Variants in KIAA0825 observed in about 807,000 individuals in gnomAD.
KIAA0825 encodes the protein KIAA0825.
A neutral mutation model predicts 147.6 loss-of-function variants in KIAA0825; 119 were observed. The ratio of observed to expected loss-of-function variants is 0.81; its 90% confidence interval spans 0.69 to 0.94. The LOEUF (loss-of-function observed/expected upper bound fraction) is 0.94, where lower values mean the gene tolerates loss of function less well. KIAA0825 is among the 40% of genes least tolerant of loss of function. The probability of loss-of-function intolerance (pLI) is 0.00; values close to 1 mark genes in which losing one functional copy is unlikely to be tolerated. For synonymous variants in KIAA0825, 470 were observed against 518.1 expected (o/e 0.91, Z 1.26); for missense variants, 1,381 against 1,472.7 (o/e 0.94, Z 1.02).
In KIAA0825 at chr5:94,384,168, A is replaced by G. The variant is rs189550327; in HGVS notation, c.3710+200T>C. On this transcript the variant is annotated intron_variant, in intron 20 of 20. Coordinates refer to ENST00000682413, the MANE Select transcript of KIAA0825 (RefSeq NM_001145678.3). ...TTACTATAGAGAATGGTATTTAGAG[A>G]GTATACTCCTATAAATAGCCATATT... 1.4e-3 allele frequency among the ~76,000 whole-genome samples: 211 copies of G among 152,292 alleles called. 3 individuals carry two copies. The highest frequency in any genetic ancestry group is 4.4e-3 in the African/African-American group (181 of 41,562).
chr5:94,316,588 C>A (rs988824517), intron 20 of KIAA0825, among the ~76,000 whole-genome samples: 3 of 151,570 alleles, frequency 2.0e-5, no homozygotes, highest in Non-Finnish European at 4.4e-5. Context: ...AAGGTGAGGA[C>A]ATACCTAGGA....
chr5:94,322,462 A>G (rs1243592800), intron 20 of KIAA0825, among the ~76,000 whole-genome samples: 1 of 151,958 alleles, frequency 6.6e-6, no homozygotes, highest in Non-Finnish European at 1.5e-5. Context: ...ATAAGCTAAT[A>G]CTTTTTAAAA....
intron 20 of KIAA0825, among the ~76,000 whole-genome samples, chr5:94,374,204 G>C (rs187118056): frequency 6.6e-6 from 1 of 152,290 alleles, no homozygotes; most frequent in African/African-American, 2.4e-5. Context: ...TGATTACAAA[G>C]TGAATTTTGG....
intron 20 of KIAA0825, among the ~76,000 whole-genome samples, chr5:94,289,219 T>A (rs1777781538): frequency 6.6e-6 from 1 of 152,166 alleles, no homozygotes; most frequent in Admixed American, 6.5e-5. Flanking sequence ...AGAAGAGTTT[T>A]CATTATTTCT....
intron 3 of KIAA0825, among the ~76,000 whole-genome samples, chr5:94,525,804 G>T (rs1301614317): frequency 6.6e-6 from 1 of 151,934 alleles, no homozygotes; most frequent in African/African-American, 2.4e-5. Context: ...CTGGGCAGAG[G>T]CCAAAAACTA....
chr5:94,444,856 A>G (rs566736124), intron 13 of KIAA0825, among the ~76,000 whole-genome samples: 96 of 152,254 alleles, frequency 6.3e-4, no homozygotes, highest in Non-Finnish European at 1.1e-3. Context: ...GACATTCTCA[A>G]TGACCCCATG....
intron 5 of KIAA0825, among the ~76,000 whole-genome samples, chr5:94,518,337 G>C (rs1256405835): frequency 6.6e-6 from 1 of 152,130 alleles, no homozygotes; most frequent in Non-Finnish European, 1.5e-5. Flanking sequence ...ACTGTGTCTA[G>C]CACAGAACAT....
At chr5:94,582,832 T>G (rs1222364618) in intron 1 of KIAA0825, among the ~76,000 whole-genome samples, 1 of 152,180 alleles carries the variant, frequency 6.6e-6, no homozygotes, top group African/African-American at 2.4e-5. Flanking sequence ...AAATGCATAT[T>G]TAAAACATTC....
In KIAA0825 at chr5:94,473,418, A is replaced by G. The variant is rs1334948001; in HGVS notation, c.1329T>C (p.Ile443=). The change falls in exon 8 of 21, where the codon ATT becomes ATC. Residue 443 remains isoleucine, a synonymous_variant. Transcript: ENST00000682413. ...VTAIEGFSTK[I]LQQEQNERSS... Reference sequence around the variant, plus strand: ...ACCTTTCATTCTGTTCCTGTTGGAGAATTTTTGTGGAAAAACCTTCAATTG... The same window carrying G: ...ACCTTTCATTCTGTTCCTGTTGGAGGATTTTTGTGGAAAAACCTTCAATTG... 1 of 1,551,910 alleles carries G rather than the reference A, an allele frequency of 6.4e-7. No homozygotes were observed. The highest frequency in any genetic ancestry group is 1.4e-5 in the African/African-American group (1 of 73,042).
chr5:94,229,507 T>G (rs2150081887), intron 20 of KIAA0825, among the ~76,000 whole-genome samples: 1 of 151,986 alleles, frequency 6.6e-6, no homozygotes, highest in Admixed American at 6.6e-5. Flanking sequence ...ATTGAATTTT[T>G]TTTTTTTTTT....
chr5:94,509,056 A>C (rs1766127645), intron 5 of KIAA0825, among the ~76,000 whole-genome samples: 1 of 152,206 alleles, frequency 6.6e-6, no homozygotes, highest in Non-Finnish European at 1.5e-5. Context: ...GATACTTGAA[A>C]TGAAGCAGGG....
intron 20 of KIAA0825, among the ~76,000 whole-genome samples, chr5:94,160,810 T>C (rs1767507955): frequency 6.6e-6 from 1 of 152,082 alleles, no homozygotes; most frequent in Non-Finnish European, 1.5e-5. Flanking sequence ...TGGATTTTAT[T>C]CTTCAAGAAA....
intron 5 of KIAA0825, among the ~76,000 whole-genome samples, chr5:94,495,477 A>C (rs1264103592): frequency 1.3e-5 from 2 of 152,160 alleles, no homozygotes; most frequent in Non-Finnish European, 2.9e-5. Flanking sequence ...TTCAATAAAG[A>C]TTTACTTTGT....
intron 1 of KIAA0825, among the ~76,000 whole-genome samples, chr5:94,606,090 C>A (rs1179361958): frequency 6.6e-6 from 1 of 152,112 alleles, no homozygotes; most frequent in East Asian, 1.9e-4. Flanking sequence ...ATACAAAAAT[C>A]ACTAGCATTC....
At chr5:94,271,854 T>A (rs1777005217) in intron 20 of KIAA0825, among the ~76,000 whole-genome samples, 1 of 152,106 alleles carries the variant, frequency 6.6e-6, no homozygotes. Flanking sequence ...GTAGAAGAGA[T>A]ATCTGCACTC....
chr5:94,519,619 T>C (rs1767788473), intron 5 of KIAA0825: 2 of 598,606 alleles, frequency 3.3e-6, no homozygotes, highest in Non-Finnish European at 2.1e-6. Flanking sequence ...TAAAATGTTA[T>C]ACCTTCCTAA....
intron 5 of KIAA0825, among the ~76,000 whole-genome samples, chr5:94,509,481 A>G (rs1766184964): frequency 6.6e-6 from 1 of 152,214 alleles, no homozygotes; most frequent in Admixed American, 6.5e-5. Context: ...CTTAGAATTT[A>G]TATTTTGTTA....
At chr5:94,216,218 C>A (rs1204241122) in intron 20 of KIAA0825, among the ~76,000 whole-genome samples, 1 of 152,128 alleles carries the variant, frequency 6.6e-6, no homozygotes, top group East Asian at 1.9e-4. Flanking sequence ...AGTATTGGTT[C>A]TCTCCAATTG....
chr5:94,370,340 A>C (rs2150450798), intron 20 of KIAA0825, among the ~76,000 whole-genome samples: 1 of 152,336 alleles, frequency 6.6e-6, no homozygotes, highest in South Asian at 2.1e-4. Context: ...CTGTATTTCA[A>C]CTGTGATGAT....
Sources: gnomAD v4.1 joint callset for allele counts (sites outside exome capture counted in the v4.1 genomes callset) on GRCh38, gnomAD v4.1.1 for gene constraint, MANE v1.5 for transcripts, NCBI Gene and HGNC (gene_info 2026-07-23, HGNC 2026-07-21) for gene names.